NUB1: variants seen among roughly 807,000 people sequenced by gnomAD.
NUB1 encodes negative regulator of ubiquitin like proteins 1.
Under a neutral mutation model 77.1 loss-of-function variants are expected in NUB1, and 41 were observed. That is an observed-to-expected ratio of 0.53 (90% CI 0.41 to 0.69). The LOEUF (loss-of-function observed/expected upper bound fraction) is 0.69, where lower values mean the gene tolerates loss of function less well. Ranked by LOEUF, NUB1 falls within the 30% of genes least tolerant of loss-of-function variation. The pLI is 0.00. For missense variants in NUB1, 643 were observed against 743.8 expected (o/e 0.86, Z 1.58); for synonymous variants, 257 against 281.0 (o/e 0.91, Z 0.85).
chr7:151,372,471 G>C (rs1168096862), intron 11 of NUB1, among the ~76,000 whole-genome samples: 1 of 152,206 alleles, frequency 6.6e-6, no homozygotes, highest in African/African-American at 2.4e-5. Flanking sequence ...TGGATGTTAG[G>C]TGCGCTTCTT....
chr7:151,344,196 A>G (rs1439013076), intron 1 of NUB1, among the ~76,000 whole-genome samples: 3 of 99,742 alleles, frequency 3.0e-5, no homozygotes, highest in Non-Finnish European at 5.3e-5. Flanking sequence ...AAAAAAAAAA[A>G]AAAAAAAAAA....
intron 5 of NUB1, among the ~76,000 whole-genome samples, chr7:151,353,820 T>C (rs1796936067): frequency 6.6e-6 from 1 of 152,190 alleles, no homozygotes; most frequent in South Asian, 2.1e-4. Flanking sequence ...CTTAGCTTGA[T>C]CTAAGACAGC....
chr7:151,356,173 T>G lies in NUB1; in HGVS notation c.644T>G (p.Ile215Arg). The change falls in exon 7 of 15, where the codon ATA (isoleucine) becomes AGA (arginine). Residue 215 changes from isoleucine (I) to arginine (R), a missense_variant. Transcript: ENST00000568733. Reference sequence around the variant, plus strand: ...CCAGAAATGACACCGTACTTAGACATAGCTAACCAGACAGGCAGATCAATC... The same window carrying G: ...CCAGAAATGACACCGTACTTAGACAGAGCTAACCAGACAGGCAGATCAATC... ...VDPEMTPYLD[I>R]ANQTGRSIRI... 1 of 1,613,926 alleles carries G rather than the reference T, an allele frequency of 6.2e-7. No homozygotes were observed. Among genetic ancestry groups the G allele is most frequent in the East Asian group, 2.2e-5 (1 of 44,894 alleles).
chr7:151,360,176 C>A lies in NUB1; in HGVS notation c.729C>A (p.Gly243=). The A allele has an allele frequency of 6.2e-7, 1 of 1,607,494 alleles. No individual in the cohort carries two copies. Among genetic ancestry groups the A allele is most frequent in the Non-Finnish European group, 8.5e-7 (1 of 1,174,156 alleles). Residue 243 remains glycine (G), a synonymous_variant, in exon 8 of 15, where the codon GGC becomes GGA. Coordinates refer to ENST00000568733, the MANE Select transcript of NUB1 (RefSeq NM_001243351.2). The stretch of plus-strand genomic sequence containing the variant: ...TAGCTATGGGATATCATGAGAAGGG[C>A]AGAGCTTTCCTGAAAAGAAAAGAAT... The part of the protein sequence containing the change: ...LMLAMGYHEK[G]RAFLKRKEYG...
intron 1 of NUB1, 103 bp downstream of exon 1, chr7:151,341,949 G>A (rs1421778917): frequency 1.9e-5 from 26 of 1,347,334 alleles, no homozygotes; most frequent in Non-Finnish European, 2.4e-5. Context: ...CAGGGGTGGA[G>A]CGGCCGCGGG....
chr7:151,365,669 C>T (rs74366631), intron 8 of NUB1, among the ~76,000 whole-genome samples: 2,422 of 152,306 alleles, frequency 0.016, 80 homozygotes, highest in African/African-American at 0.056. Flanking sequence ...AGAAAGCACC[C>T]CTCACCCAGC....
intron 8 of NUB1, among the ~76,000 whole-genome samples, chr7:151,365,779 A>G (rs1475257594): frequency 1.3e-5 from 2 of 152,234 alleles, no homozygotes; most frequent in African/African-American, 4.8e-5. Context: ...GAAAATAAAT[A>G]TAAAAATACT....
intron 5 of NUB1, among the ~76,000 whole-genome samples, chr7:151,353,545 A>T (rs1429705150): frequency 6.6e-6 from 1 of 152,230 alleles, no homozygotes; most frequent in East Asian, 1.9e-4. Flanking sequence ...AGATGTCAGT[A>T]GCGCAGCTGT....
At chr7:151,361,513 G>A (rs1266402015) in intron 8 of NUB1, among the ~76,000 whole-genome samples, 1 of 152,154 alleles carries the variant, frequency 6.6e-6, no homozygotes, top group African/African-American at 2.4e-5. Context: ...TCCTCTTCAT[G>A]GGAAACGGTA....
chr7:151,376,967 T>C, intron 14 of NUB1, 80 bp from the exon 15 acceptor site: 5 of 1,427,124 alleles, frequency 3.5e-6, no homozygotes, highest in Non-Finnish European at 4.7e-6. Flanking sequence ...AGAGGCACAG[T>C]CTGAGGTTGA....
chr7:151,374,548 C>T (rs118017776), intron 12 of NUB1: 6,562 of 450,480 alleles, frequency 0.015, 65 homozygotes, highest in Non-Finnish European at 0.02. Flanking sequence ...GTGAAACAGG[C>T]AGTTTCCACG....
intron 7 of NUB1, among the ~76,000 whole-genome samples, chr7:151,359,678 G>A (rs1232013027): frequency 6.6e-6 from 1 of 151,982 alleles, no homozygotes; most frequent in Non-Finnish European, 1.5e-5. Flanking sequence ...TCGGCAGGCT[G>A]AGGCAGGAGA....
intron 3 of NUB1, among the ~76,000 whole-genome samples, chr7:151,349,642 G>A (rs1002833507): frequency 4.6e-5 from 7 of 152,200 alleles, no homozygotes; most frequent in East Asian, 1.9e-4. Flanking sequence ...AAGCAGGGCC[G>A]AGGAGATCTG....
At chr7:151,369,248 T>C (rs1315712943) in intron 11 of NUB1, 1 of 157,348 alleles carries the variant, frequency 6.4e-6, no homozygotes, top group Non-Finnish European at 1.4e-5. Context: ...CCTCAAGTGA[T>C]GCGCCCACCT....
chr7:151,374,353 C>A, intron 12 of NUB1, 110 bp downstream of exon 12: 1 of 1,353,954 alleles, frequency 7.4e-7, no homozygotes, highest in Non-Finnish European at 1.0e-6. Flanking sequence ...TGGGCTGCCC[C>A]GTCATCCGGA....
chr7:151,349,146 G>C lies in NUB1; in HGVS notation c.191G>C (p.Arg64Pro). 6.2e-7 allele frequency: 1 copy of C among 1,613,432 alleles called. No individual in the cohort carries two copies. The highest frequency in any genetic ancestry group is 8.5e-7 in the Non-Finnish European group (1 of 1,179,674). Reference sequence around the variant, plus strand: ...GTAGAAAAGGTAATAGAAGAAATACGTTGCAAGGCAATTGAGCGTGGAACA... The same window carrying C: ...GTAGAAAAGGTAATAGAAGAAATACCTTGCAAGGCAATTGAGCGTGGAACA... Reference protein sequence around the residue: ...NEVEKVIEEIRCKAIERGTGN... With the variant: ...NEVEKVIEEIPCKAIERGTGN... Residue 64 changes from arginine (R) to proline (P), a missense_variant, in exon 3 of 15, where the codon CGT becomes CCT. Transcript: ENST00000568733.
In NUB1 at chr7:151,367,092, C is replaced by T. The variant is rs373895352; in HGVS notation, c.954C>T (p.Tyr318=). Residue 318 remains tyrosine (Y), a synonymous_variant, in exon 9 of 15, where the codon TAC becomes TAT. Coordinates refer to ENST00000568733, the MANE Select transcript of NUB1 (RefSeq NM_001243351.2). ...NLAQKCFKNC[Y]GENHQRLVHI... The stretch of plus-strand genomic sequence containing the variant: ...CCCAGAAATGCTTTAAAAATTGTTA[C>T]GGAGAAAATCATCAGAGACTGGTCC... 18 of 1,613,546 alleles carry T rather than the reference C, an allele frequency of 1.1e-5. No homozygotes were observed. Among genetic ancestry groups the T allele is most frequent in the African/African-American group, 1.1e-4 (8 of 74,968 alleles).
rs748744095 is a variant in NUB1, at chr7:151,367,057, T to A, written c.919T>A (p.Leu307Ile). 6.2e-7 allele frequency: 1 copy of A among 1,613,732 alleles called. No individual in the cohort carries two copies. ...LECLDDAEKK[L>I]NLAQKCFKNC... is the part of the protein sequence containing the mutation. ...ATGCCTTGATGATGCAGAAAAAAAA[T>A]TAAACTTGGCCCAGAAATGCTTTAA... The change falls in exon 9 of 15, where the codon TTA (leucine) becomes ATA (isoleucine). Residue 307 changes from leucine to isoleucine, a missense_variant. By Grantham distance (5) the Leu-to-Ile change is conservative (BLOSUM62 2). Coordinates refer to ENST00000568733, the MANE Select transcript of NUB1 (RefSeq NM_001243351.2).
chr7:151,347,741 G>A (rs1333013780), intron 2 of NUB1, among the ~76,000 whole-genome samples: 1 of 152,220 alleles, frequency 6.6e-6, no homozygotes, highest in Admixed American at 6.5e-5. Flanking sequence ...TTACAGGCAT[G>A]AGCCATCGCG....
Sources: gnomAD v4.1 joint callset for allele counts (sites outside exome capture counted in the v4.1 genomes callset) on GRCh38, gnomAD v4.1.1 for gene constraint, MANE v1.5 for transcripts, NCBI Gene and HGNC (gene_info 2026-07-23, HGNC 2026-07-21) for gene names.